Variants in KCNK13 observed in about 807,000 individuals in gnomAD.
KCNK13 encodes the protein potassium channel subfamily K member 13.
KCNK13 carries 12 observed loss-of-function variants against 23.4 expected under a neutral mutation model. That is an observed-to-expected ratio of 0.51 (90% CI 0.33 to 0.83). The LOEUF (loss-of-function observed/expected upper bound fraction) is 0.83. Ranked by LOEUF, KCNK13 falls within the 40% of genes least tolerant of loss-of-function variation. KCNK13 has a pLI of 0.02. For synonymous variants in KCNK13, 231 were observed against 229.5 expected (o/e 1.01, Z -0.06); for missense variants, 463 against 556.3 (o/e 0.83, Z 1.69).
chr14:90,078,935 T>G (rs1212713297), intron 1 of KCNK13, among the ~76,000 whole-genome samples: 1 of 152,146 alleles, frequency 6.6e-6, no homozygotes, highest in East Asian at 1.9e-4. Flanking sequence ...GCTTAGGAAT[T>G]TTGTTTGCCT....
intron 1 of KCNK13, among the ~76,000 whole-genome samples, chr14:90,145,200 G>A (rs945529633): frequency 6.6e-6 from 1 of 152,114 alleles, no homozygotes; most frequent in Non-Finnish European, 1.5e-5. Context: ...TTGAGTTCAG[G>A]AGCTTGAGAC....
chr14:90,184,343 C>T lies in KCNK13; in HGVS notation c.567C>T (p.Gly189=), dbSNP rs763863594. ...AGQCEVDSLA[G]WKPSVYYVML... ...AGTGTGAGGTGGACAGCCTGGCCGG[C>T]TGGAAGCCCTCCGTGTACTACGTCA... is the stretch of plus-strand genomic sequence containing the variant. The change falls in exon 2 of 2, where the codon GGC becomes GGT. Residue 189 remains glycine (G), a synonymous_variant. Coordinates refer to ENST00000282146, the MANE Select transcript of KCNK13 (RefSeq NM_022054.4). The surrounding 1 kb of genome is among the most constrained non-coding windows in gnomAD (Gnocchi z 5.6). The T allele has an allele frequency of 2.2e-5, 36 of 1,614,150 alleles. 1 individual carries two copies. In the South Asian group the frequency reaches 4.0e-4, roughly 18 times the overall value.
intron 1 of KCNK13, among the ~76,000 whole-genome samples, chr14:90,132,543 CAAAA>C (rs397853239): frequency 7.1e-5 from 6 of 83,968 alleles, no homozygotes; most frequent in South Asian, 4.0e-4. Flanking sequence ...GACTCTGTCT[CAAAA>C]AAAAAAAAAA....
At position 90,062,594 on chromosome 14, in the gene KCNK13, G is replaced by A. The variant is rs867949302; in HGVS notation, c.334+55G>A. 5.3e-6 allele frequency: 7 copies of A among 1,329,142 alleles called. No individual in the cohort carries two copies. The African/African-American group carries it at 6.1e-5, about 12-fold the overall frequency. 82.3% of individuals were successfully genotyped at this position (1,329,142 alleles called of 1,614,324 possible). A position where few individuals can be genotyped will look rare whatever the true frequency, so the allele number is the denominator to read the frequency against. ...CCTCCGGGCGGCCTCCACTTCCTCC[G>A]GGGGGCAGGACCGACCCTCTCATCC... On this transcript the variant is annotated intron_variant, in intron 1 of 1. Transcript: ENST00000282146. This position sits in a 1 kb window ranked among gnomAD's most constrained non-coding sequence, Gnocchi z 4.5.
chr14:90,071,770 C>T (rs577500414), intron 1 of KCNK13, among the ~76,000 whole-genome samples: 61 of 152,112 alleles, frequency 4.0e-4, no homozygotes, highest in East Asian at 1.2e-3. Context: ...TGGTTATGCA[C>T]GCCTGTAGTC....
intron 1 of KCNK13, among the ~76,000 whole-genome samples, chr14:90,179,880 C>T (rs746607940): frequency 1.3e-5 from 2 of 152,148 alleles, no homozygotes; most frequent in Non-Finnish European, 2.9e-5. Context: ...TGTTTTGGTA[C>T]ATGAAAATTT....
chr14:90,184,000 G>A (rs1454152710), intron 1 of KCNK13, 111 bp from the exon 2 acceptor site: 2 of 940,514 alleles, frequency 2.1e-6, no homozygotes, highest in African/African-American at 3.3e-5. Flanking sequence ...CTAAGGCTGA[G>A]TGATTTTATG....
At chr14:90,063,751 G>A (rs1362477953) in intron 1 of KCNK13, among the ~76,000 whole-genome samples, 1 of 152,216 alleles carries the variant, frequency 6.6e-6, no homozygotes, top group African/African-American at 2.4e-5. Flanking sequence ...GCCAGGAGAA[G>A]CAGCACAAAA....
At chr14:90,171,289 C>A (rs902790300) in intron 1 of KCNK13, among the ~76,000 whole-genome samples, 1 of 152,148 alleles carries the variant, frequency 6.6e-6, no homozygotes, top group East Asian at 1.9e-4. Context: ...CTCATAGAGG[C>A]CAGAGAAGGC....
Position 90,157,702 on chromosome 14 carries a change from C to CTTT in KCNK13, c.335-26394_335-26392dup, listed in dbSNP as rs34114368. Among the ~76,000 whole-genome samples, 63 of 100,304 alleles carry CTTT rather than the reference C, an allele frequency of 6.3e-4. 3 individuals carry two copies. The highest frequency in any genetic ancestry group is 2.2e-3 in the African/African-American group (55 of 25,090). 65.8% of individuals were successfully genotyped at this position (100,304 alleles called of 152,430 possible). ...GGCCACCATACCTGGCTTGGCTTTC[C>CTTT]TTTTTTTTTTTTTTTTTCAGACAGA... is the stretch of plus-strand genomic sequence containing the variant. On this transcript the variant is annotated intron_variant, in intron 1 of 1. Coordinates refer to ENST00000282146, the MANE Select transcript of KCNK13 (RefSeq NM_022054.4).
chr14:90,161,601 T>A (rs1471874089), intron 1 of KCNK13, among the ~76,000 whole-genome samples: 1 of 152,214 alleles, frequency 6.6e-6, no homozygotes, highest in East Asian at 1.9e-4. Context: ...AATTACAACA[T>A]TCTACTAAAG....
intron 1 of KCNK13, among the ~76,000 whole-genome samples, chr14:90,126,491 C>T (rs1219302702): frequency 6.6e-6 from 1 of 151,742 alleles, no homozygotes; most frequent in East Asian, 1.9e-4. Context: ...AATAGCACTT[C>T]CCCTCTCTGG....
chr14:90,154,324 C>A (rs990196912), intron 1 of KCNK13, among the ~76,000 whole-genome samples: 9 of 150,882 alleles, frequency 6.0e-5, no homozygotes, highest in African/African-American at 2.2e-4. Flanking sequence ...GCTCTCCTAC[C>A]CACAATGCCA....
intron 1 of KCNK13, among the ~76,000 whole-genome samples, chr14:90,133,428 T>C (rs1169421303): frequency 6.6e-6 from 1 of 151,964 alleles, no homozygotes; most frequent in African/African-American, 2.4e-5. Context: ...AGGTTTCTTT[T>C]AGGGGTGATG....
chr14:90,101,700 G>C (rs571928671), intron 1 of KCNK13, among the ~76,000 whole-genome samples: 100 of 144,054 alleles, frequency 6.9e-4, no homozygotes, highest in African/African-American at 2.5e-3. Context: ...TGAGGCAGGA[G>C]AACTGCTTGA....
chr14:90,081,051 T>G (rs1051525678), intron 1 of KCNK13, among the ~76,000 whole-genome samples: 1 of 152,220 alleles, frequency 6.6e-6, no homozygotes, highest in Non-Finnish European at 1.5e-5. Context: ...GTCTCTTTGG[T>G]TCTCTTCTTT....
intron 1 of KCNK13, among the ~76,000 whole-genome samples, chr14:90,115,712 A>G (rs1050076183): frequency 3.9e-5 from 6 of 152,310 alleles, no homozygotes; most frequent in South Asian, 2.1e-4. Flanking sequence ...AAGAAAAAAA[A>G]CAGGCAACAG....
chr14:90,144,705 C>T (rs533961654), intron 1 of KCNK13, among the ~76,000 whole-genome samples: 27 of 151,900 alleles, frequency 1.8e-4, no homozygotes, highest in Non-Finnish European at 3.4e-4. Flanking sequence ...GTAATCTACC[C>T]GCCTCAGCCT....
intron 1 of KCNK13, chr14:90,107,557 T>A (rs975382619): frequency 6.7e-6 from 3 of 445,054 alleles, no homozygotes; most frequent in South Asian, 2.5e-5. Flanking sequence ...CAGTAAACAT[T>A]ACGATTGTGC....
Sources: allele counts gnomAD v4.1 joint callset (sites outside exome capture counted in the v4.1 genomes callset), GRCh38; gene constraint gnomAD v4.1.1; non-coding constraint Gnocchi (gnomAD v3.1); transcripts MANE v1.5; gene names NCBI Gene and HGNC (gene_info 2026-07-23, HGNC 2026-07-21).